CELF2: variants seen among roughly 807,000 people sequenced by gnomAD.
CELF2 encodes CUG triplet repeat RNA-binding protein 2.
CELF2 carries 8 observed loss-of-function variants against 62.6 expected under a neutral mutation model. That is an observed-to-expected ratio of 0.13 (90% CI 0.07 to 0.23). The LOEUF (loss-of-function observed/expected upper bound fraction) is 0.23. CELF2 is among the 10% of genes least tolerant of loss of function. The pLI is 1.00. For synonymous variants in CELF2, 258 were observed against 250.0 expected, an observed-to-expected ratio of 1.03 and a Z score of -0.30; for missense variants, 333 against 671.0, an observed-to-expected ratio of 0.50 and a Z score of 5.56.
intron 1 of CELF2, among the ~76,000 whole-genome samples, chr10:10,914,720 T>C (rs1243904986): frequency 6.6e-6 from 1 of 152,188 alleles, no homozygotes; most frequent in Non-Finnish European, 1.5e-5. Flanking sequence ...ATACAACTTA[T>C]CAGAACCAGC....
At chr10:11,099,967 C>G (rs903125360) in intron 1 of CELF2, among the ~76,000 whole-genome samples, 1 of 151,130 alleles carries the variant, frequency 6.6e-6, no homozygotes, top group South Asian at 2.1e-4. Context: ...TTGGGAGGCT[C>G]AGATGGGCAG....
rs529521284 is a variant in CELF2, at chr10:11,242,731, A to C, written c.355-6422A>C. Among the ~76,000 whole-genome samples the C allele has an allele frequency of 6.6e-6, 1 of 152,342 alleles. No homozygotes were observed. Among genetic ancestry groups the C allele is most frequent in the East Asian group, 1.9e-4 (1 of 5,184 alleles). The stretch of plus-strand genomic sequence containing the variant: ...CTCAGGAGTGAGGGGCATCAGGTCC[A>C]GTCACAGGCCAGCCAGGGTGAGGAC... On this transcript the variant is annotated intron_variant, in intron 3 of 12. Transcript: ENST00000633077. The surrounding 1 kb of genome is among the most constrained non-coding windows in gnomAD (Gnocchi z 4.8).
At chr10:10,720,335 G>A in the CELF2 span, among the ~76,000 whole-genome samples, 2 of 152,314 alleles carry the variant, frequency 1.3e-5, no homozygotes, top group African/African-American at 4.8e-5. Flanking sequence ...CCATTAATCT[G>A]CTTCCTTTCT....
At chr10:10,563,791 C>A in the CELF2 span, among the ~76,000 whole-genome samples, 1 of 151,952 alleles carries the variant, frequency 6.6e-6, no homozygotes, top group Non-Finnish European at 1.5e-5. Context: ...TGCAGAAACA[C>A]AAAGAACAAA....
chr10:10,651,207 C>T, the CELF2 span, among the ~76,000 whole-genome samples: 1 of 121,354 alleles, frequency 8.2e-6, no homozygotes. Context: ...CCACATCTGG[C>T]TCGGAGGGTC....
the CELF2 span, among the ~76,000 whole-genome samples, chr10:10,479,935 G>T: frequency 6.6e-6 from 1 of 152,158 alleles, no homozygotes; most frequent in Non-Finnish European, 1.5e-5. Flanking sequence ...TCTTAACCAA[G>T]CATCATCAAG....
intron 2 of CELF2, among the ~76,000 whole-genome samples, chr10:11,184,326 T>C (rs1345862681): frequency 1.3e-5 from 2 of 152,284 alleles, no homozygotes; most frequent in Non-Finnish European, 2.9e-5. Context: ...TGAAGTCAGA[T>C]ACTGTTAGTC....
the CELF2 span, among the ~76,000 whole-genome samples, chr10:10,615,301 T>C: frequency 6.6e-6 from 1 of 152,114 alleles, no homozygotes; most frequent in African/African-American, 2.4e-5. Flanking sequence ...TTGCAGCCCA[T>C]TGTGATCATT....
At chr10:11,326,529 T>A (rs1008398731) in intron 12 of CELF2, among the ~76,000 whole-genome samples, 1 of 152,208 alleles carries the variant, frequency 6.6e-6, no homozygotes, top group African/African-American at 2.4e-5. Flanking sequence ...GGCGTGCAGC[T>A]GTTATCAGAG....
chr10:10,940,240 G>GT (rs2046904821), intron 2 of CELF2, among the ~76,000 whole-genome samples: 1 of 152,180 alleles, frequency 6.6e-6, no homozygotes, highest in African/African-American at 2.4e-5. Flanking sequence ...TTATACCCGG[G>GT]TTTTTTTGTT....
intron 3 of CELF2, among the ~76,000 whole-genome samples, chr10:11,241,173 T>C (rs2073770697): frequency 6.6e-6 from 1 of 152,218 alleles, no homozygotes; most frequent in Non-Finnish European, 1.5e-5. Context: ...GACCTCCAGA[T>C]ATGGCTTTGT....
At chr10:11,276,034 A>G (rs2085955849) in intron 8 of CELF2, among the ~76,000 whole-genome samples, 1 of 152,244 alleles carries the variant, frequency 6.6e-6, no homozygotes, top group Non-Finnish European at 1.5e-5. Flanking sequence ...AATCAGTGCA[A>G]TGAAACCTAC....
intron 3 of CELF2, among the ~76,000 whole-genome samples, chr10:11,230,048 C>T (rs189443955): frequency 9.1e-4 from 139 of 152,274 alleles, no homozygotes; most frequent in Admixed American, 1.3e-3. Flanking sequence ...CTGACTCTGA[C>T]CTGCTCATCA....
chr10:11,190,298 A>G (rs1467767297), intron 2 of CELF2, among the ~76,000 whole-genome samples: 1 of 150,314 alleles, frequency 6.7e-6, no homozygotes, highest in Non-Finnish European at 1.5e-5. Flanking sequence ...ATGAACATCA[A>G]ATTAGGTATT....
rs2065361824 is a variant in CELF2, at chr10:11,223,044, T to C, written c.354+5537T>C. On this transcript the variant is annotated intron_variant, in intron 3 of 12. Coordinates refer to ENST00000633077, the MANE Select transcript of CELF2 (RefSeq NM_001326342.2). The surrounding 1 kb of genome is among the most constrained non-coding windows in gnomAD (Gnocchi z 5.1). ...CCTGCTGGCTTAGTCTCAATTACTT[T>C]GTAGCGAACTTTCTTATTTGAGGCT... 6.6e-6 allele frequency among the ~76,000 whole-genome samples: 1 copy of C among 152,240 alleles called. No individual in the cohort carries two copies. The highest frequency in any genetic ancestry group is 2.4e-5 in the African/African-American group (1 of 41,460).
chr10:11,284,519 T>C (rs868750259), intron 8 of CELF2, among the ~76,000 whole-genome samples: 22 of 135,024 alleles, frequency 1.6e-4, no homozygotes, highest in African/African-American at 2.8e-4. Context: ...GGGATGAGTG[T>C]GTGGTGGGTG....
At chr10:10,714,984 T>C in the CELF2 span, among the ~76,000 whole-genome samples, 1 of 152,202 alleles carries the variant, frequency 6.6e-6, no homozygotes, top group African/African-American at 2.4e-5. Context: ...AGAGTTCTCC[T>C]GTGTTTTTAA....
At chr10:10,661,089 G>A in the CELF2 span, among the ~76,000 whole-genome samples, 7 of 152,188 alleles carry the variant, frequency 4.6e-5, no homozygotes, top group Non-Finnish European at 7.3e-5. Flanking sequence ...TCTTAAATGT[G>A]TTCTTCAATA....
At chr10:10,969,847 T>C (rs201085) in intron 2 of CELF2, among the ~76,000 whole-genome samples, 51,369 of 152,122 alleles carry the variant, frequency 0.34, 13,461 homozygotes, top group African/African-American at 0.74. Context: ...GGGTCCTGCT[T>C]CATCTATAGG....
Sources: gnomAD v4.1 joint callset for allele counts (sites outside exome capture counted in the v4.1 genomes callset) on GRCh38, gnomAD v4.1.1 for gene constraint, Gnocchi (gnomAD v3.1) non-coding constraint, MANE v1.5 for transcripts, NCBI Gene and HGNC (gene_info 2026-07-23, HGNC 2026-07-21) for gene names.